OR6C74: variants seen among roughly 807,000 people sequenced by gnomAD.
The protein encoded by OR6C74 is olfactory receptor family 6 subfamily C member 74, also known as olfactory receptor 6C74.
For missense variants in OR6C74, 361 were observed against 362.9 expected (o/e 0.99, Z 0.04); for synonymous variants, 142 against 134.2 (o/e 1.06, Z -0.40).
intron 1 of OR6C74, among the ~76,000 whole-genome samples, chr12:55,246,259 G>T (rs928233043): frequency 2.6e-5 from 4 of 152,168 alleles, no homozygotes; most frequent in African/African-American, 9.7e-5. Context: ...ATGTGAATAA[G>T]ATACAGAAGA....
At position 55,248,344 on chromosome 12, in the gene OR6C74, TC is replaced by T. The variant is rs1470728983; in HGVS notation, c.*119del. ...TTACCTCTTTTTTGACTTATAATTT[TC>T]ATTATGGCCTTCCTAATCTCCAAAG... On this transcript the variant is annotated 3_prime_UTR_variant, in exon 2 of 2. Transcript: ENST00000343399. 3 of 640,198 alleles carry T rather than the reference TC, an allele frequency of 4.7e-6. No individual in the cohort carries two copies. The highest frequency in any genetic ancestry group is 4.2e-4 in the Middle Eastern group (1 of 2,398). 39.7% of individuals were successfully genotyped at this position (640,198 alleles called of 1,614,324 possible).
chr12:55,256,268 G>A lies in OR6C74; in HGVS notation c.*8042G>A, dbSNP rs113173139. 6.6e-6 allele frequency among the ~76,000 whole-genome samples: 1 copy of A among 151,806 alleles called. No individual in the cohort carries two copies. The highest frequency in any genetic ancestry group is 2.4e-5 in the African/African-American group (1 of 41,350). On this transcript the variant is annotated 3_prime_UTR_variant, in exon 2 of 2. Coordinates refer to ENST00000343399, the MANE Select transcript of OR6C74 (RefSeq NM_001005490.2). The stretch of plus-strand genomic sequence containing the variant: ...GTAGAGCCTATAAATGGACGCATTG[G>A]GGGGGCACCTGTTCATATGGATAAG...
chr12:55,247,830 T>A lies in OR6C74; in HGVS notation c.543T>A (p.Pro181=). Residue 181 remains proline, a synonymous_variant, in exon 2 of 2, where the codon CCT becomes CCA. Coordinates refer to ENST00000343399, the MANE Select transcript of OR6C74 (RefSeq NM_001005490.2). ...TVDHFFCDVS[P]ILQLSCTDTD... ...ATCATTTCTTCTGTGATGTTTCTCC[T>A]ATACTGCAGCTCTCTTGCACAGACA... 1 of 1,614,116 alleles carries A rather than the reference T, an allele frequency of 6.2e-7. No homozygotes were observed.
At position 55,251,212 on chromosome 12, in the gene OR6C74, C is replaced by T. The variant is rs1954309262; in HGVS notation, c.*2986C>T. On this transcript the variant is annotated 3_prime_UTR_variant, in exon 2 of 2. Coordinates refer to ENST00000343399, the MANE Select transcript of OR6C74 (RefSeq NM_001005490.2). ...ACGTATATTGAATGCCTGCCCATTG[C>T]CCAAATCTCTGTTAGCTTGCAAAAC... Among the ~76,000 whole-genome samples, 1 of 152,020 alleles carries T rather than the reference C, an allele frequency of 6.6e-6. No homozygotes were observed. Among genetic ancestry groups the T allele is most frequent in the Non-Finnish European group, 1.5e-5 (1 of 67,978 alleles).
At position 55,252,139 on chromosome 12, in the gene OR6C74, T is replaced by C. The variant is rs1954315364; in HGVS notation, c.*3913T>C. Among the ~76,000 whole-genome samples, 1 of 151,662 alleles carries C rather than the reference T, an allele frequency of 6.6e-6. No homozygotes were observed. The highest frequency in any genetic ancestry group is 1.5e-5 in the Non-Finnish European group (1 of 67,754). ...AAAGGAAATTATACAAAATGATCAA[T>C]ATATTTTAATAATATAACTTTACAG... On this transcript the variant is annotated 3_prime_UTR_variant, in exon 2 of 2. Coordinates refer to ENST00000343399, the MANE Select transcript of OR6C74 (RefSeq NM_001005490.2).
At chr12:55,244,863 G>A (rs1311217062) in intron 1 of OR6C74, among the ~76,000 whole-genome samples, 46 bp downstream of exon 1, 1 of 151,990 alleles carries the variant, frequency 6.6e-6, no homozygotes, top group Non-Finnish European at 1.5e-5. Flanking sequence ...AACATCCTGA[G>A]TGTTTCTGGC....
In OR6C74 at chr12:55,248,076, A is replaced by G. The variant is rs546331445; in HGVS notation, c.789A>G (p.Lys263=). 9.9e-6 allele frequency: 16 copies of G among 1,614,106 alleles called. No homozygotes were observed. In the South Asian group the frequency reaches 1.6e-4, roughly 17 times the overall value. The change falls in exon 2 of 2, where the codon AAA becomes AAG. Residue 263 remains lysine, a synonymous_variant. Transcript: ENST00000343399. The part of the protein sequence containing the change: ...CIFMYVKPSA[K]ERVSLNKGIA... Reference sequence around the variant, plus strand: ...TCATGTATGTGAAACCCTCAGCAAAAGAAAGAGTGTCATTAAATAAAGGGA... The same window carrying G: ...TCATGTATGTGAAACCCTCAGCAAAGGAAAGAGTGTCATTAAATAAAGGGA...
At position 55,255,912 on chromosome 12, in the gene OR6C74, C is replaced by T. The variant is rs976951337; in HGVS notation, c.*7686C>T. 4.0e-5 allele frequency among the ~76,000 whole-genome samples: 6 copies of T among 151,866 alleles called. No individual in the cohort carries two copies. Among genetic ancestry groups the T allele is most frequent in the East Asian group, 1.9e-4 (1 of 5,176 alleles). ...GGACTTTGTTGGAGTAAGGATTAAACGAGGAAGCATAGGGAATCTTTGGTT... is the reference window on the plus strand; with the variant it reads ...GGACTTTGTTGGAGTAAGGATTAAATGAGGAAGCATAGGGAATCTTTGGTT... On this transcript the variant is annotated 3_prime_UTR_variant, in exon 2 of 2. Coordinates refer to ENST00000343399, the MANE Select transcript of OR6C74 (RefSeq NM_001005490.2).
In OR6C74 at chr12:55,254,942, T is replaced by C. The variant is rs1175852266; in HGVS notation, c.*6716T>C. ...CCACTTGTAGTACCAAATATATCAG[T>C]TATCACTGTTAGGTTGCAATTCTCC... On this transcript the variant is annotated 3_prime_UTR_variant, in exon 2 of 2. Transcript: ENST00000343399. Among the ~76,000 whole-genome samples the C allele has an allele frequency of 6.6e-6, 1 of 152,134 alleles. No individual in the cohort carries two copies. Among genetic ancestry groups the C allele is most frequent in the Non-Finnish European group, 1.5e-5 (1 of 67,998 alleles).
Position 55,254,641 on chromosome 12 carries a change from T to C in OR6C74, c.*6415T>C, listed in dbSNP as rs1954331666. Among the ~76,000 whole-genome samples, 1 of 151,964 alleles carries C rather than the reference T, an allele frequency of 6.6e-6. No homozygotes were observed. Among genetic ancestry groups the C allele is most frequent in the Non-Finnish European group, 1.5e-5 (1 of 67,996 alleles). ...ATAATTAAAGGATACAACCTTGTAA[T>C]TTTCTTTCTTTAAGATCCTCAATAT... On this transcript the variant is annotated 3_prime_UTR_variant, in exon 2 of 2. Coordinates refer to ENST00000343399, the MANE Select transcript of OR6C74 (RefSeq NM_001005490.2).
In OR6C74 at chr12:55,249,701, T is replaced by G. The variant is rs1954299900; in HGVS notation, c.*1475T>G. On this transcript the variant is annotated 3_prime_UTR_variant, in exon 2 of 2. Transcript: ENST00000343399. ...TATTTGAAAATAGAAAATAAATATC[T>G]AGGGAGTATTCTTTAACTTTCACTA... Among the ~76,000 whole-genome samples the G allele has an allele frequency of 6.6e-6, 1 of 152,162 alleles. No individual in the cohort carries two copies. The highest frequency in any genetic ancestry group is 2.4e-5 in the African/African-American group (1 of 41,438).
In OR6C74 at chr12:55,251,612, T is replaced by A. The variant is rs79812609; in HGVS notation, c.*3386T>A. The stretch of plus-strand genomic sequence containing the variant: ...CTATAAAATAATTAATAGATTGGAC[T>A]TGATGACAGGCAATATGAAAAAAAA... On this transcript the variant is annotated 3_prime_UTR_variant, in exon 2 of 2. Coordinates refer to ENST00000343399, the MANE Select transcript of OR6C74 (RefSeq NM_001005490.2). 0.054 allele frequency among the ~76,000 whole-genome samples: 8,183 copies of A among 151,890 alleles called. 328 individuals are homozygous for A. Among genetic ancestry groups the A allele is most frequent in the Middle Eastern group, 0.11 (32 of 294 alleles).
In OR6C74 at chr12:55,254,835, T is replaced by C. The variant is rs1190488988; in HGVS notation, c.*6609T>C. ...ATAGACTTGTAATATTCCATTTTCT[T>C]ATGGTTGCAGCACTTCTCAGACCTT... On this transcript the variant is annotated 3_prime_UTR_variant, in exon 2 of 2. Coordinates refer to ENST00000343399, the MANE Select transcript of OR6C74 (RefSeq NM_001005490.2). 6.6e-6 allele frequency among the ~76,000 whole-genome samples: 1 copy of C among 152,124 alleles called. No individual in the cohort carries two copies. Among genetic ancestry groups the C allele is most frequent in the Non-Finnish European group, 1.5e-5 (1 of 67,994 alleles).
chr12:55,247,319 T>C lies in OR6C74; in HGVS notation c.32T>C (p.Ile11Thr). 6.2e-7 allele frequency: 1 copy of C among 1,608,118 alleles called. No individual in the cohort carries two copies. The highest frequency in any genetic ancestry group is 8.5e-7 in the Non-Finnish European group (1 of 1,176,182). Residue 11 changes from isoleucine (I) to threonine (T), a missense_variant, in exon 2 of 2, where the codon ATT becomes ACT. Coordinates refer to ENST00000343399, the MANE Select transcript of OR6C74 (RefSeq NM_001005490.2). MRNHTTVANF[I>T]LLGLTDDPQL... ...AACCATACAACAGTAGCAAACTTTA[T>C]TCTTCTTGGACTGACAGATGATCCA...
rs540463204 is a variant in OR6C74, at chr12:55,250,193, A to G, written c.*1967A>G. 1.0e-3 allele frequency among the ~76,000 whole-genome samples: 155 copies of G among 152,306 alleles called. No individual in the cohort carries two copies. The highest frequency in any genetic ancestry group is 3.5e-3 in the African/African-American group (145 of 41,582). Reference sequence around the variant, plus strand: ...TTCTCCACAATTTAAGTTGTTGCCAAATGCAAATATGTAACATATTTATTT... The same window carrying G: ...TTCTCCACAATTTAAGTTGTTGCCAGATGCAAATATGTAACATATTTATTT... On this transcript the variant is annotated 3_prime_UTR_variant, in exon 2 of 2. Transcript: ENST00000343399.
rs1268427275 is a variant in OR6C74 at position 55,248,770 on chromosome 12, C to T, written c.*544C>T. ...CAGGCTTAGAGATATAGTATACTCTCAGAAATAAATGAAAGAAACTTCAGA... is the reference window on the plus strand; with the variant it reads ...CAGGCTTAGAGATATAGTATACTCTTAGAAATAAATGAAAGAAACTTCAGA... On this transcript the variant is annotated 3_prime_UTR_variant, in exon 2 of 2. Coordinates refer to ENST00000343399, the MANE Select transcript of OR6C74 (RefSeq NM_001005490.2). Among the ~76,000 whole-genome samples, 1 of 152,122 alleles carries T rather than the reference C, an allele frequency of 6.6e-6. No individual in the cohort carries two copies. The highest frequency in any genetic ancestry group is 2.4e-5 in the African/African-American group (1 of 41,438).
In OR6C74 at chr12:55,251,547, G is replaced by C. The variant is rs1954311228; in HGVS notation, c.*3321G>C. Among the ~76,000 whole-genome samples, 1 of 151,404 alleles carries C rather than the reference G, an allele frequency of 6.6e-6. No homozygotes were observed. The highest frequency in any genetic ancestry group is 2.4e-5 in the African/African-American group (1 of 41,224). ...AAGATTAAAATGTGGCATTTGATAG[G>C]GCTTAATATAAAAATGTAAGCCTAG... On this transcript the variant is annotated 3_prime_UTR_variant, in exon 2 of 2. Transcript: ENST00000343399.
rs1464253733 is a variant in OR6C74 at position 55,244,640 on chromosome 12, C to A, written c.-187C>A. On this transcript the variant is annotated 5_prime_UTR_variant, in exon 1 of 2. Coordinates refer to ENST00000343399, the MANE Select transcript of OR6C74 (RefSeq NM_001005490.2). ...TAGACTAGAAACACCTCAGCGTGAA[C>A]AACAAGCTAGAAACCTTCTCTTTGT... 6.6e-6 allele frequency among the ~76,000 whole-genome samples: 1 copy of A among 152,070 alleles called. No individual in the cohort carries two copies. Among genetic ancestry groups the A allele is most frequent in the East Asian group, 1.9e-4 (1 of 5,196 alleles).
intron 1 of OR6C74, 174 bp from the exon 2 acceptor site, chr12:55,247,105 C>G: frequency 2.1e-6 from 1 of 479,346 alleles, no homozygotes; most frequent in Non-Finnish European, 3.6e-6. Flanking sequence ...CAAAAAGTTG[C>G]ATGTATTTAG....
Sources: gnomAD v4.1 joint callset for allele counts (sites outside exome capture counted in the v4.1 genomes callset) on GRCh38, gnomAD v4.1.1 for gene constraint, MANE v1.5 for transcripts, NCBI Gene and HGNC (gene_info 2026-07-23, HGNC 2026-07-21) for gene names.